Variants in SOX5 observed in about 807,000 individuals in gnomAD.
SOX5 encodes the protein SRY-box transcription factor 5, also known as transcription factor SOX-5.
A neutral mutation model predicts 92.0 loss-of-function variants in SOX5; 9 were observed. The ratio of observed to expected loss-of-function variants is 0.10; its 90% CI spans 0.06 to 0.17. SOX5 has a LOEUF of 0.17. SOX5 is among the 10% of genes least tolerant of loss of function. The probability of loss-of-function intolerance (pLI) is 1.00; values close to 1 mark genes in which losing one functional copy is unlikely to be tolerated. For synonymous variants in SOX5, 344 were observed against 336.3 expected, an observed-to-expected ratio of 1.02 and a Z score of -0.25; for missense variants, 642 against 944.5, an observed-to-expected ratio of 0.68 and a Z score of 4.20.
At chr12:24,181,984 T>G (rs530058380) in intron 4 of SOX5, among the ~76,000 whole-genome samples, 39 of 152,330 alleles carry the variant, frequency 2.6e-4, no homozygotes, top group African/African-American at 9.1e-4. Flanking sequence ...ATTTCTTTTA[T>G]GCTACCAGAT....
chr12:24,082,847 T>C (rs1447124591), intron 4 of SOX5, among the ~76,000 whole-genome samples: 4 of 152,078 alleles, frequency 2.6e-5, no homozygotes, highest in African/African-American at 9.6e-5. Context: ...TTATAAATTC[T>C]TCATTTATTC....
At chr12:24,510,294 C>T (rs901172495) in intron 1 of SOX5, among the ~76,000 whole-genome samples, 4 of 152,156 alleles carry the variant, frequency 2.6e-5, no homozygotes, top group Non-Finnish European at 5.9e-5. Context: ...AGAGGATATT[C>T]CACCCAAGGA....
At chr12:23,900,079 C>T (rs2097215737) in intron 1 of SOX5, among the ~76,000 whole-genome samples, 1 of 151,434 alleles carries the variant, frequency 6.6e-6, no homozygotes, top group South Asian at 2.1e-4. Flanking sequence ...ATAATAAAAG[C>T]AAAGATGCAG....
intron 1 of SOX5, among the ~76,000 whole-genome samples, chr12:24,549,115 C>A (rs1859285709): frequency 1.3e-5 from 2 of 152,186 alleles, no homozygotes; most frequent in African/African-American, 4.8e-5. Context: ...GTCCTCATTA[C>A]CTCATTAGCC....
At chr12:23,798,140 A>G (rs1054948027) in intron 3 of SOX5, among the ~76,000 whole-genome samples, 3 of 151,870 alleles carry the variant, frequency 2.0e-5, no homozygotes, top group African/African-American at 7.3e-5. Context: ...GGCAAACTAT[A>G]TATTTTACCT....
intron 1 of SOX5, among the ~76,000 whole-genome samples, chr12:24,437,939 C>T (rs941076280): frequency 4.6e-5 from 7 of 152,184 alleles, no homozygotes; most frequent in Admixed American, 3.3e-4. Context: ...TGGGTATATA[C>T]CCAAAGGATT....
chr12:24,401,082 G>A (rs1306325852), intron 1 of SOX5, among the ~76,000 whole-genome samples: 1 of 152,134 alleles, frequency 6.6e-6, no homozygotes, highest in Non-Finnish European at 1.5e-5. Flanking sequence ...GGCCAGGCAC[G>A]GCGGCTCATG....
intron 4 of SOX5, among the ~76,000 whole-genome samples, chr12:23,986,347 C>G (rs1463102688): frequency 6.6e-6 from 1 of 151,378 alleles, no homozygotes; most frequent in Admixed American, 6.6e-5. Flanking sequence ...TGCAGGGAAA[C>G]AAACAAACAA....
At chr12:24,053,527 T>C (rs1957798100) in intron 4 of SOX5, among the ~76,000 whole-genome samples, 1 of 152,206 alleles carries the variant, frequency 6.6e-6, no homozygotes. Flanking sequence ...CTGTTTACTC[T>C]ATAAAGAAGA....
chr12:23,750,054 G>C (rs2094135226), intron 4 of SOX5, among the ~76,000 whole-genome samples: 1 of 151,758 alleles, frequency 6.6e-6, no homozygotes, highest in Non-Finnish European at 1.5e-5. Flanking sequence ...GGTAGGTCTA[G>C]AAATGTTCTC....
chr12:23,829,788 GA>G (rs1366513595), intron 3 of SOX5, among the ~76,000 whole-genome samples: 5 of 152,050 alleles, frequency 3.3e-5, no homozygotes, highest in Admixed American at 3.3e-4. Context: ...AGCCAAATAA[GA>G]AAAGAATGAT....
intron 4 of SOX5, among the ~76,000 whole-genome samples, chr12:24,041,513 T>C (rs910707286): frequency 6.6e-6 from 1 of 152,172 alleles, no homozygotes; most frequent in Admixed American, 6.6e-5. Context: ...GCTACAAATT[T>C]ACAATATAAT....
At chr12:24,266,914 A>T (rs1291178036) in intron 3 of SOX5, among the ~76,000 whole-genome samples, 1 of 152,174 alleles carries the variant, frequency 6.6e-6, no homozygotes, top group Non-Finnish European at 1.5e-5. Context: ...AAGGACTTTC[A>T]ACCCTCCTCC....
intron 6 of SOX5, among the ~76,000 whole-genome samples, chr12:23,694,163 T>C (rs1328352451): frequency 6.6e-6 from 1 of 152,246 alleles, no homozygotes; most frequent in Admixed American, 6.5e-5. Flanking sequence ...TGCCTTTTCA[T>C]GACTGTTTTT....
At chr12:23,727,961 T>C (rs1249652880) in intron 6 of SOX5, among the ~76,000 whole-genome samples, 2 of 152,054 alleles carry the variant, frequency 1.3e-5, no homozygotes, top group African/African-American at 4.8e-5. Flanking sequence ...CAGGTTTGCC[T>C]AGACAGAGAA....
At position 24,521,085 on chromosome 12, in the gene SOX5, C is replaced by G. The variant is rs565576506; in HGVS notation, c.-251+41244G>C. ...TTTTTTTCTTTGAGACAAAGTCTCG[C>G]TCTTGTCCCCCAAGGCTGGAGTGCA... On this transcript the variant is annotated intron_variant, in intron 1 of 4. Coordinates refer to the SOX5 transcript ENST00000446891. 8.0e-4 allele frequency among the ~76,000 whole-genome samples: 122 copies of G among 152,244 alleles called. 4 individuals are homozygous for G. In the South Asian group the frequency reaches 0.023, roughly 28 times the overall value.
At chr12:23,866,427 C>T (rs34427798) in intron 2 of SOX5, among the ~76,000 whole-genome samples, 19 of 152,128 alleles carry the variant, frequency 1.2e-4, no homozygotes, top group Non-Finnish European at 2.5e-4. Flanking sequence ...GAGTGTTTTG[C>T]CACCAATCCA....
At chr12:23,676,227 CA>C (rs149680576) in intron 6 of SOX5, among the ~76,000 whole-genome samples, 2 of 151,248 alleles carry the variant, frequency 1.3e-5, no homozygotes, top group Admixed American at 6.6e-5. Flanking sequence ...GCTCTTAATA[CA>C]AAAAAAAGTA....
chr12:23,940,707 G>C (rs1470854191), intron 1 of SOX5, among the ~76,000 whole-genome samples: 2 of 148,322 alleles, frequency 1.3e-5, no homozygotes, highest in Non-Finnish European at 3.0e-5. Flanking sequence ...TCTTAACCTA[G>C]AAGAGGAAAT....
Sources: allele counts gnomAD v4.1 joint callset (sites outside exome capture counted in the v4.1 genomes callset), GRCh38; gene constraint gnomAD v4.1.1; transcripts MANE v1.5; gene names NCBI Gene and HGNC (gene_info 2026-07-23, HGNC 2026-07-21).